RSPO2: variants seen among roughly 807,000 people sequenced by gnomAD.
RSPO2 encodes the protein R-spondin-2.
In RSPO2, 14 loss-of-function variants were observed where a neutral mutation model predicts 30.9. The ratio of observed to expected loss-of-function variants is 0.45; its 90% CI spans 0.30 to 0.71. The LOEUF (loss-of-function observed/expected upper bound fraction) is 0.71. Ranked by LOEUF, RSPO2 falls within the 30% of genes least tolerant of loss-of-function variation. RSPO2 has a pLI of 0.08. For missense variants in RSPO2, 264 were observed against 301.9 expected (o/e 0.87, Z 0.93); for synonymous variants, 107 against 96.4 (o/e 1.11, Z -0.64).
intron 5 of RSPO2, among the ~76,000 whole-genome samples, chr8:107,940,213 T>C (rs1459686095): frequency 1.3e-5 from 2 of 152,128 alleles, no homozygotes; most frequent in Non-Finnish European, 2.9e-5. Context: ...TCAGAGGTGG[T>C]CATTTCTGCT....
At position 108,082,608 on chromosome 8, in the gene RSPO2, T is replaced by C. The variant is rs148112629; in HGVS notation, c.31A>G (p.Ile11Val). ...CTGTAATCCATGCAGTTCAGAATGA[T>C]GAGGGCAAAGGAGAAAAGGCGAAAC... MQFRLFSFAL[I>V]ILNCMDYSHC... The change falls in exon 2 of 6, where the codon ATC becomes GTC. Residue 11 changes from isoleucine to valine, a missense_variant. Ile to Val is a conservative substitution (Grantham distance 29). Coordinates refer to ENST00000276659, the MANE Select transcript of RSPO2 (RefSeq NM_178565.5). 31 of 1,613,892 alleles carry C rather than the reference T, an allele frequency of 1.9e-5. No homozygotes were observed. Among genetic ancestry groups the C allele is most frequent in the Non-Finnish European group, 2.3e-5 (27 of 1,179,988 alleles).
chr8:108,029,245 A>C (rs546146670), intron 2 of RSPO2, among the ~76,000 whole-genome samples: 1 of 151,772 alleles, frequency 6.6e-6, no homozygotes, highest in African/African-American at 2.4e-5. Flanking sequence ...TTGCACTACA[A>C]TGGCAGAATT....
intron 2 of RSPO2, among the ~76,000 whole-genome samples, chr8:108,019,909 C>T (rs984039873): frequency 5.3e-5 from 8 of 152,116 alleles, no homozygotes; most frequent in Admixed American, 6.6e-5. Flanking sequence ...TCAGACATTA[C>T]TAGTGGCTGC....
At chr8:107,980,294 G>C (rs1340412471) in intron 3 of RSPO2, among the ~76,000 whole-genome samples, 1 of 152,010 alleles carries the variant, frequency 6.6e-6, no homozygotes, top group Admixed American at 6.5e-5. Context: ...TGCTAAATGT[G>C]TAAGCTGTAT....
intron 3 of RSPO2, among the ~76,000 whole-genome samples, chr8:107,979,181 G>C (rs1187335654): frequency 6.6e-6 from 1 of 152,160 alleles, no homozygotes; most frequent in Non-Finnish European, 1.5e-5. Context: ...TCATTACTGG[G>C]TATATACCCA....
Position 108,014,599 on chromosome 8 carries a change from A to C in RSPO2, c.95-25355T>G, listed in dbSNP as rs180787817. Among the ~76,000 whole-genome samples the C allele has an allele frequency of 2.4e-3, 361 of 152,312 alleles. 2 individuals are homozygous for C. Among genetic ancestry groups the C allele is most frequent in the African/African-American group, 7.9e-3 (327 of 41,568 alleles). On this transcript the variant is annotated intron_variant, in intron 2 of 5. Coordinates refer to ENST00000276659, the MANE Select transcript of RSPO2 (RefSeq NM_178565.5). ...CTCAGCAAATTAACACAGGAACAGA[A>C]AACTAAACACCGCATGTTCTCATTC... is the stretch of plus-strand genomic sequence containing the variant.
intron 3 of RSPO2, among the ~76,000 whole-genome samples, chr8:107,963,495 G>A (rs1165219288): frequency 8.8e-6 from 1 of 113,044 alleles, no homozygotes; most frequent in African/African-American, 3.4e-5. Flanking sequence ...CTGCACTCTA[G>A]CTTAGGCAAT....
chr8:107,921,659 A>C (rs1661522839), intron 5 of RSPO2, among the ~76,000 whole-genome samples: 1 of 151,868 alleles, frequency 6.6e-6, no homozygotes, highest in South Asian at 2.1e-4. Context: ...AAAAAAGAGA[A>C]AACTTCCAGC....
At chr8:108,057,574 T>C (rs1812297292) in intron 2 of RSPO2, among the ~76,000 whole-genome samples, 1 of 152,094 alleles carries the variant, frequency 6.6e-6, no homozygotes, top group South Asian at 2.1e-4. Flanking sequence ...ATTACCAAAA[T>C]AACATTCAAA....
At chr8:107,970,271 G>A (rs1813949348) in intron 3 of RSPO2, among the ~76,000 whole-genome samples, 1 of 152,098 alleles carries the variant, frequency 6.6e-6, no homozygotes, top group Admixed American at 6.6e-5. Flanking sequence ...TCATTTTCGT[G>A]TGTCACAAAA....
intron 5 of RSPO2, among the ~76,000 whole-genome samples, chr8:107,942,090 GC>G (rs1812917568): frequency 6.6e-6 from 1 of 152,100 alleles, no homozygotes; most frequent in Non-Finnish European, 1.5e-5. Flanking sequence ...ACTGAGATAA[GC>G]AGAGAATAAT....
At chr8:107,998,455 G>A (rs1319046972) in intron 2 of RSPO2, among the ~76,000 whole-genome samples, 1 of 152,104 alleles carries the variant, frequency 6.6e-6, no homozygotes, top group East Asian at 1.9e-4. Flanking sequence ...CCTATCTTAA[G>A]ATACTTTGCT....
At chr8:108,066,423 C>A (rs1812668902) in intron 2 of RSPO2, among the ~76,000 whole-genome samples, 1 of 150,964 alleles carries the variant, frequency 6.6e-6, no homozygotes, top group Admixed American at 6.6e-5. Context: ...GTTTGCATTT[C>A]ATTCCTGTTA....
At chr8:107,964,478 A>C (rs1321210026) in intron 3 of RSPO2, among the ~76,000 whole-genome samples, 1 of 152,152 alleles carries the variant, frequency 6.6e-6, no homozygotes, top group Non-Finnish European at 1.5e-5. Flanking sequence ...TCCCGACCTC[A>C]GGTGATCCAC....
intron 5 of RSPO2, among the ~76,000 whole-genome samples, chr8:107,912,246 C>T (rs968056565): frequency 9.2e-5 from 14 of 152,164 alleles, no homozygotes; most frequent in Non-Finnish European, 1.9e-4. Flanking sequence ...ATTCCCTAGC[C>T]ATGCACCAAC....
rs548505592 is a variant in RSPO2, at chr8:108,025,086, T to C, written c.95-35842A>G. ...AAGCAGAAACAAATTTATAAGTGTA[T>C]ATATGTATAAATGTGTATACACACA... On this transcript the variant is annotated intron_variant, in intron 2 of 5. Coordinates refer to ENST00000276659, the MANE Select transcript of RSPO2 (RefSeq NM_178565.5). 1.5e-4 allele frequency among the ~76,000 whole-genome samples: 23 copies of C among 152,306 alleles called. No homozygotes were observed. In the South Asian group the frequency reaches 4.6e-3, roughly 30 times the overall value.
intron 2 of RSPO2, among the ~76,000 whole-genome samples, chr8:108,026,420 T>C (rs1204442783): frequency 1.3e-5 from 2 of 152,244 alleles, no homozygotes; most frequent in Admixed American, 1.3e-4. Flanking sequence ...ATATCAGTGC[T>C]AGTTTCCTTA....
chr8:108,019,955 C>T (rs6980519), intron 2 of RSPO2, among the ~76,000 whole-genome samples: 2,109 of 151,834 alleles, frequency 0.014, 49 homozygotes, highest in African/African-American at 0.047. Context: ...AGGGCAGCAA[C>T]ATGCCTGACA....
rs778575998 is a variant in RSPO2 at position 108,082,544 on chromosome 8, C to A, written c.94+1G>T. ...CGCACCTTTGGCAGAGAGGGACCCA[C>A]CTCGCTTACTGCGTCTCCATCGGTT... On this transcript the variant is annotated splice_donor_variant, in intron 2 of 5. Transcript: ENST00000276659. LOFTEE classifies it high-confidence loss of function. The A allele has an allele frequency of 1.9e-6, 3 of 1,613,294 alleles. No individual in the cohort carries two copies. The highest frequency in any genetic ancestry group is 2.2e-5 in the South Asian group (2 of 91,062).
Sources: gnomAD v4.1 joint callset for allele counts (sites outside exome capture counted in the v4.1 genomes callset) on GRCh38, gnomAD v4.1.1 for gene constraint, MANE v1.5 for transcripts, NCBI Gene and HGNC (gene_info 2026-07-23, HGNC 2026-07-21) for gene names.